EIF2B3: variants seen among roughly 807,000 people sequenced by gnomAD.
EIF2B3 encodes translation initiation factor eIF2B subunit gamma.
EIF2B3 carries 20 observed loss-of-function variants against 54.1 expected under a neutral mutation model. The ratio of observed to expected loss-of-function variants is 0.37; its 90% CI spans 0.26 to 0.54. The LOEUF (loss-of-function observed/expected upper bound fraction) is 0.54. Among genes scored for constraint, EIF2B3 ranks in the 20% least tolerant of loss-of-function variants. EIF2B3 has a pLI of 0.86. For synonymous variants in EIF2B3, 153 were observed against 188.1 expected, an observed-to-expected ratio of 0.81 and a Z score of 1.52; for missense variants, 448 against 547.8, an observed-to-expected ratio of 0.82 and a Z score of 1.82.
intron 4 of EIF2B3, among the ~76,000 whole-genome samples, chr1:44,935,671 T>C (rs1473243978): frequency 6.6e-6 from 1 of 152,146 alleles, no homozygotes; most frequent in African/African-American, 2.4e-5. Context: ...AGCTAATTTT[T>C]TTGTATTTTT....
At chr1:44,971,802 G>C (rs780445082) in intron 3 of EIF2B3, among the ~76,000 whole-genome samples, 2 of 152,122 alleles carry the variant, frequency 1.3e-5, no homozygotes, top group African/African-American at 2.4e-5. Flanking sequence ...GGAGGCTGAG[G>C]TGGGTGGATC....
At chr1:44,962,613 C>T (rs1415505561) in intron 3 of EIF2B3, among the ~76,000 whole-genome samples, 6 of 152,086 alleles carry the variant, frequency 3.9e-5, no homozygotes, top group Admixed American at 6.5e-5. Context: ...GGGAGTCTCA[C>T]CATCTTGCCC....
At chr1:44,937,065 T>C (rs887400575) in intron 4 of EIF2B3, among the ~76,000 whole-genome samples, 2 of 152,308 alleles carry the variant, frequency 1.3e-5, no homozygotes, top group African/African-American at 4.8e-5. Context: ...GGTATTTTTT[T>C]AAAAATCTTG....
chr1:44,887,986 C>A (rs1031410032), intron 6 of EIF2B3, among the ~76,000 whole-genome samples: 1 of 152,220 alleles, frequency 6.6e-6, no homozygotes, highest in South Asian at 2.1e-4. Context: ...TAGTTACTAT[C>A]TGACCCAAAA....
chr1:44,890,274 A>G (rs1429497424), intron 6 of EIF2B3, among the ~76,000 whole-genome samples: 2 of 152,174 alleles, frequency 1.3e-5, no homozygotes, highest in African/African-American at 4.8e-5. Flanking sequence ...TGTTTCTTGA[A>G]GGGCTCTACC....
chr1:44,967,351 G>A (rs1644353164), intron 3 of EIF2B3, among the ~76,000 whole-genome samples: 2 of 151,630 alleles, frequency 1.3e-5, no homozygotes, highest in African/African-American at 4.8e-5. Context: ...AGGGGCTGAG[G>A]CAGAGGAATC....
chr1:44,975,834 T>G (rs1196933628), intron 3 of EIF2B3, among the ~76,000 whole-genome samples: 5 of 152,020 alleles, frequency 3.3e-5, no homozygotes, highest in African/African-American at 4.8e-5. Context: ...CCAGGTGTGG[T>G]GGCACACACC....
At chr1:44,917,918 C>T (rs1450613512) in intron 5 of EIF2B3, among the ~76,000 whole-genome samples, 2 of 149,604 alleles carry the variant, frequency 1.3e-5, no homozygotes, top group African/African-American at 2.5e-5. Context: ...GGACTACAGG[C>T]GCCTGCCACC....
intron 5 of EIF2B3, among the ~76,000 whole-genome samples, chr1:44,924,267 CT>C (rs1252967668): frequency 6.6e-6 from 1 of 151,608 alleles, no homozygotes; most frequent in African/African-American, 2.4e-5. Flanking sequence ...AAACGATTTT[CT>C]TTTTTACCTA....
At chr1:44,917,628 C>T (rs1223573467) in intron 5 of EIF2B3, among the ~76,000 whole-genome samples, 1 of 151,662 alleles carries the variant, frequency 6.6e-6, no homozygotes, top group Non-Finnish European at 1.5e-5. Flanking sequence ...AGTAGTTTCT[C>T]AAGGCTTTTA....
rs1314383831 is a variant in EIF2B3 at position 44,858,477 on chromosome 1, AT to A, written c.1203-671del. Among the ~76,000 whole-genome samples the A allele has an allele frequency of 4.6e-5, 7 of 151,314 alleles. No individual in the cohort carries two copies. In the South Asian group the frequency reaches 8.4e-4, roughly 18 times the overall value. ...AGCAAAGCCATACTCATTCAAAAAA[AT>A]TTTTTTTTCTTTGAGATAGGGTCTC... On this transcript the variant is annotated intron_variant, in intron 10 of 11. Coordinates refer to ENST00000360403, the MANE Select transcript of EIF2B3 (RefSeq NM_020365.5).
Position 44,857,751 on chromosome 1 carries a change from T to G in EIF2B3, c.1259A>C (p.Asp420Ala), listed in dbSNP as rs1573678745. The G allele has an allele frequency of 6.2e-7, 1 of 1,614,172 alleles. No individual in the cohort carries two copies. Among genetic ancestry groups the G allele is most frequent in the East Asian group, 2.2e-5 (1 of 44,884 alleles). The change falls in exon 11 of 12, where the codon GAC becomes GCC. Residue 420 changes from aspartate (D) to alanine (A), a missense_variant. Coordinates refer to ENST00000360403, the MANE Select transcript of EIF2B3 (RefSeq NM_020365.5). ...CNNAVIEKGADIKDCLIGSGQ... is the reference protein window; with the variant it reads ...CNNAVIEKGAAIKDCLIGSGQ... ...ACTTCCAATCAAGCAGTCCTTGATGTCTGCACCCTTCTCGATCACAGCATT... is the reference window on the plus strand; with the variant it reads ...ACTTCCAATCAAGCAGTCCTTGATGGCTGCACCCTTCTCGATCACAGCATT...
intron 3 of EIF2B3, 152 bp downstream of exon 3, chr1:44,978,163 G>T: frequency 1.2e-6 from 1 of 818,046 alleles, no homozygotes. Flanking sequence ...CCCGGGAGGT[G>T]GAGGTTGCAG....
chr1:44,860,804 T>C (rs1654590639), intron 10 of EIF2B3, among the ~76,000 whole-genome samples: 1 of 151,770 alleles, frequency 6.6e-6, no homozygotes. Context: ...AGGAGGAGGA[T>C]AGAGAGGGTG....
intron 3 of EIF2B3, among the ~76,000 whole-genome samples, chr1:44,956,713 C>A (rs933896885): frequency 7.2e-5 from 11 of 151,820 alleles, no homozygotes; most frequent in African/African-American, 2.7e-4. Flanking sequence ...ATAACAAGGG[C>A]AAAATGAATA....
intron 5 of EIF2B3, among the ~76,000 whole-genome samples, chr1:44,912,346 T>C (rs1054244416): frequency 6.6e-6 from 1 of 152,238 alleles, no homozygotes; most frequent in Admixed American, 6.5e-5. Flanking sequence ...AACACTGTGA[T>C]ACTTTTCAAG....
At chr1:44,963,693 T>C (rs79385839) in intron 3 of EIF2B3, among the ~76,000 whole-genome samples, 2,228 of 152,296 alleles carry the variant, frequency 0.015, 56 homozygotes, top group African/African-American at 0.052. Flanking sequence ...TAAATTGTAC[T>C]GCACCTTTCC....
chr1:44,978,527 T>G (rs1177213061), intron 2 of EIF2B3, 67 bp from the exon 3 acceptor site: 1 of 1,543,108 alleles, frequency 6.5e-7, no homozygotes, highest in East Asian at 2.2e-5. Flanking sequence ...GTTCCATTAT[T>G]TCAATTAGAT....
chr1:44,877,987 C>G (rs914504592), intron 8 of EIF2B3, among the ~76,000 whole-genome samples: 4 of 152,184 alleles, frequency 2.6e-5, no homozygotes, highest in South Asian at 4.1e-4. Flanking sequence ...CATGCTCACT[C>G]GAGAGCAGGG....
Sources: allele counts gnomAD v4.1 joint callset (sites outside exome capture counted in the v4.1 genomes callset), GRCh38; gene constraint gnomAD v4.1.1; transcripts MANE v1.5; gene names NCBI Gene and HGNC (gene_info 2026-07-23, HGNC 2026-07-21).